Variants in ECHS1 observed in about 807,000 individuals in gnomAD.
ECHS1 encodes the protein enoyl-CoA hydratase, short chain 1, also known as enoyl-CoA hydratase, mitochondrial.
In ECHS1, 19 loss-of-function variants were observed where a neutral mutation model predicts 33.5. That is an observed-to-expected ratio of 0.57 (90% CI 0.40 to 0.83). ECHS1 has a LOEUF of 0.83. Among genes scored for constraint, ECHS1 ranks in the 40% least tolerant of loss-of-function variants. The pLI, the probability that ECHS1 is intolerant of heterozygous loss-of-function variation, is 0.00. For missense variants in ECHS1, 365 were observed against 381.3 expected (o/e 0.96, Z 0.36); for synonymous variants, 158 against 146.6 (o/e 1.08, Z -0.56).
At chr10:133,371,026 C>A (rs978451214) in intron 1 of ECHS1, among the ~76,000 whole-genome samples, 1 of 152,218 alleles carries the variant, frequency 6.6e-6, no homozygotes, top group African/African-American at 2.4e-5. Flanking sequence ...GCCTGTAATC[C>A]CAGCAATTTG....
At position 133,366,043 on chromosome 10, in the gene ECHS1, C is replaced by G; in HGVS notation, c.672G>C (p.Gln224His). The change falls in exon 6 of 8, where the codon CAG becomes CAC. Residue 224 changes from glutamine (Q) to histidine (H), a missense_variant. Gln to His is a conservative substitution (Grantham distance 24). Transcript: ENST00000368547. Reference sequence around the variant, plus strand: ...AATTGCTGGCAATTTTTTCTGCACACTGGATGGCTTCTTCCACCAGTGTCT... The same window carrying G: ...AATTGCTGGCAATTTTTTCTGCACAGTGGATGGCTTCTTCCACCAGTGTCT... ...PVETLVEEAI[Q>H]CAEKIASNSK... 1 of 1,614,040 alleles carries G rather than the reference C, an allele frequency of 6.2e-7. No homozygotes were observed. The highest frequency in any genetic ancestry group is 1.1e-5 in the South Asian group (1 of 91,088).
At chr10:133,371,013 C>T (rs1458545311) in intron 1 of ECHS1, among the ~76,000 whole-genome samples, 1 of 152,212 alleles carries the variant, frequency 6.6e-6, no homozygotes, top group Non-Finnish European at 1.5e-5. Context: ...CGCGGTGGCT[C>T]ACGCCTGTAA....
intron 6 of ECHS1, among the ~76,000 whole-genome samples, chr10:133,365,622 C>G (rs1381989058): frequency 1.3e-5 from 2 of 152,226 alleles, no homozygotes; most frequent in African/African-American, 4.8e-5. Flanking sequence ...GCCGCCAACC[C>G]CAGGTCTCGG....
chr10:133,363,770 C>A (rs1848996811), intron 7 of ECHS1, among the ~76,000 whole-genome samples: 2 of 152,118 alleles, frequency 1.3e-5, no homozygotes, highest in Non-Finnish European at 2.9e-5. Flanking sequence ...GACGACCGAG[C>A]AAGACTCTGC....
chr10:133,362,559 T>C lies in ECHS1; in HGVS notation c.*309A>G. ...CAGCGTTTCCCTCAGAGCAGCCCCATTCTTCAGCGGCAGGGACACAAGGAC... is the reference window on the plus strand; with the variant it reads ...CAGCGTTTCCCTCAGAGCAGCCCCACTCTTCAGCGGCAGGGACACAAGGAC... On this transcript the variant is annotated 3_prime_UTR_variant, in exon 8 of 8. Transcript: ENST00000368547. 2.2e-6 allele frequency: 1 copy of C among 462,104 alleles called. No homozygotes were observed. Among genetic ancestry groups the C allele is most frequent in the Non-Finnish European group, 3.9e-6 (1 of 253,918 alleles). The allele number at this position is 462,104 out of a possible 1,614,324, so 28.6% of individuals were successfully genotyped here. A position where few individuals can be genotyped will look rare whatever the true frequency, so the allele number is the denominator to read the frequency against.
chr10:133,372,915 G>A (rs1489861136), intron 1 of ECHS1, among the ~76,000 whole-genome samples: 3 of 96,024 alleles, frequency 3.1e-5, no homozygotes, highest in Non-Finnish European at 6.3e-5. Flanking sequence ...GGGATCGGAC[G>A]GAAGAGGGGT....
At chr10:133,369,489 ATC>A (rs1270642387) in intron 3 of ECHS1, among the ~76,000 whole-genome samples, 5,875 of 137,868 alleles carry the variant, frequency 0.043, 643 homozygotes, top group African/African-American at 0.13. Context: ...TCATGAAATG[ATC>A]ACAATCCGCA....
chr10:133,367,028 A>AG (rs1370423711), intron 4 of ECHS1, 35 bp from the exon 5 acceptor site: 1 of 1,546,124 alleles, frequency 6.5e-7, no homozygotes, highest in Non-Finnish European at 8.8e-7. Flanking sequence ...TGGCACTGTG[A>AG]TGAGTGAACC....
intron 3 of ECHS1, among the ~76,000 whole-genome samples, chr10:133,369,253 T>C (rs1412901195): frequency 1.3e-5 from 2 of 152,128 alleles, no homozygotes; most frequent in Non-Finnish European, 2.9e-5. Flanking sequence ...TCTTACAGGC[T>C]CTGCTGCCAC....
Position 133,366,970 on chromosome 10 carries a change from T to A in ECHS1, c.538A>T (p.Thr180Ser). The A allele has an allele frequency of 6.2e-7, 1 of 1,612,412 alleles. No homozygotes were observed. ...GCCAGCGACTTCCCAACAGCACGGG[T>A]GAGTCTCTGGGTGCCGCCCGCACCT... ...IPGAGGTQRL[T>S]RAVGKSLAME... The change falls in exon 5 of 8, where the codon ACC (threonine) becomes TCC (serine). Residue 180 changes from threonine to serine, a missense_variant. Transcript: ENST00000368547.
chr10:133,371,871 A>C (rs1219439947), intron 1 of ECHS1, among the ~76,000 whole-genome samples: 1 of 152,202 alleles, frequency 6.6e-6, no homozygotes, highest in Middle Eastern at 3.4e-3. Context: ...ATCTTGGCTC[A>C]CTGCGACCTC....
At chr10:133,366,771 G>T in intron 5 of ECHS1, 118 bp downstream of exon 5, 1 of 716,806 alleles carries the variant, frequency 1.4e-6, no homozygotes, top group Non-Finnish European at 2.4e-6. Context: ...ACACCTGGAT[G>T]CTGCCCCGGG....
intron 1 of ECHS1, among the ~76,000 whole-genome samples, chr10:133,372,200 G>A (rs74164170): frequency 0.034 from 5,215 of 152,328 alleles, 297 homozygotes; most frequent in African/African-American, 0.12. Flanking sequence ...TGGAGAAGCC[G>A]AAGGCCAAGG....
chr10:133,364,804 T>C, intron 6 of ECHS1, 79 bp from the exon 7 acceptor site: 1 of 1,130,610 alleles, frequency 8.8e-7, no homozygotes, highest in Non-Finnish European at 1.3e-6. Flanking sequence ...GAAGCCCTCC[T>C]CACTGACCCA....
intron 6 of ECHS1, 62 bp from the exon 7 acceptor site, chr10:133,364,787 G>A (rs1849008155): frequency 8.2e-6 from 11 of 1,337,532 alleles, no homozygotes; most frequent in African/African-American, 1.4e-5. Flanking sequence ...TTCCTGCACG[G>A]TGACAGGAAG....
chr10:133,372,839 C>T (rs986452964), intron 1 of ECHS1, among the ~76,000 whole-genome samples: 15 of 115,786 alleles, frequency 1.3e-4, no homozygotes, highest in Non-Finnish European at 5.4e-5. Flanking sequence ...GCAGGGGCTG[C>T]GGGTCGGGGT....
At chr10:133,363,424 A>G (rs1331114573) in intron 7 of ECHS1, among the ~76,000 whole-genome samples, 1 of 152,082 alleles carries the variant, frequency 6.6e-6, no homozygotes, top group Non-Finnish European at 1.5e-5. Flanking sequence ...ACCACTTTTA[A>G]TTTTTATTTT....
chr10:133,371,872 C>T (rs1349451191), intron 1 of ECHS1, among the ~76,000 whole-genome samples: 3 of 152,144 alleles, frequency 2.0e-5, no homozygotes, highest in Non-Finnish European at 4.4e-5. Context: ...TCTTGGCTCA[C>T]TGCGACCTCT....
chr10:133,373,191 G>C, intron 1 of ECHS1, 55 bp downstream of exon 1: 8 of 1,341,748 alleles, frequency 6.0e-6, no homozygotes, highest in South Asian at 1.6e-5. Context: ...TGGTCTGGGC[G>C]TGCAGGTCGG....
Sources: gnomAD v4.1 joint callset for allele counts (sites outside exome capture counted in the v4.1 genomes callset) on GRCh38, gnomAD v4.1.1 for gene constraint, MANE v1.5 for transcripts, NCBI Gene and HGNC (gene_info 2026-07-23, HGNC 2026-07-21) for gene names.